The following GSE1 variants were observed in gnomAD, a reference collection of about 807,000 sequenced individuals.
GSE1 encodes genetic suppressor element 1.
A neutral mutation model predicts 112.6 loss-of-function variants in GSE1; 32 were observed. That is an observed-to-expected ratio of 0.28 (90% CI 0.21 to 0.38). The LOEUF (loss-of-function observed/expected upper bound fraction) is 0.38, where lower values mean the gene tolerates loss of function less well. GSE1 is among the 10% of genes least tolerant of loss of function. GSE1 has a pLI of 1.00. For synonymous variants in GSE1, 1,115 were observed against 735.6 expected (o/e 1.52, Z -8.35); for missense variants, 2,348 against 1,699.2 (o/e 1.38, Z -6.71).
chr16:85,626,882 C>T lies in GSE1; in HGVS notation c.8-7032C>T, dbSNP rs117015603. On this transcript the variant is annotated intron_variant, in intron 1 of 15. Transcript: ENST00000253458. ...ATTTAATGGAGTAGAGAGGCCTCCC[C>T]CCTCGTTTAAATCCTGCTGTTGGAG... Among the ~76,000 whole-genome samples the T allele has an allele frequency of 1.4e-4, 21 of 151,906 alleles. No homozygotes were observed. The South Asian group carries it at 3.5e-3, about 26-fold the overall frequency.
intron 1 of GSE1, among the ~76,000 whole-genome samples, chr16:85,345,730 T>G: frequency 6.6e-6 from 1 of 152,248 alleles, no homozygotes; most frequent in Non-Finnish European, 1.5e-5. Context: ...GTTAAAATAC[T>G]GTGTGTCTCC....
At position 85,170,562 on chromosome 16, in the gene GSE1, GA is replaced by G; in HGVS notation, c.1040del (p.Lys347ArgfsTer264). 1 of 985,770 alleles carries G rather than the reference GA, an allele frequency of 1.0e-6. No individual in the cohort carries two copies. Among genetic ancestry groups the G allele is most frequent in the Non-Finnish European group, 1.2e-6 (1 of 830,196 alleles). The allele number at this position is 985,770 out of a possible 1,614,324, so 61.1% of individuals were successfully genotyped here. A position where few individuals can be genotyped will look rare whatever the true frequency, so the allele number is the denominator to read the frequency against. On this transcript the variant is annotated frameshift_variant, in exon 1 of 3. Coordinates refer to the GSE1 transcript ENST00000637419. LOFTEE classifies it high-confidence loss of function. ...TCCCAGGCGTCTGCAACCCCAAAGA[GA>G]AGAACAGTGGCCGTGTCCCCCGGGC...
chr16:85,381,452 C>G (rs2047544048), intron 2 of GSE1, among the ~76,000 whole-genome samples: 1 of 152,106 alleles, frequency 6.6e-6, no homozygotes, highest in Admixed American at 6.5e-5. Context: ...CCTGTTTTCC[C>G]TTCTTCTGGG....
At chr16:85,471,967 C>T (rs76287529) in intron 2 of GSE1, among the ~76,000 whole-genome samples, 3 of 152,202 alleles carry the variant, frequency 2.0e-5, no homozygotes, top group African/African-American at 4.8e-5. Context: ...CTTAAGGCAC[C>T]GTAAGACCGT....
At chr16:85,527,217 C>A (rs1385753492) in intron 2 of GSE1, among the ~76,000 whole-genome samples, 3 of 152,252 alleles carry the variant, frequency 2.0e-5, no homozygotes, top group Admixed American at 2.0e-4. Context: ...CTTGTCTCCC[C>A]ACTGGTCCGT....
intron 1 of GSE1, among the ~76,000 whole-genome samples, chr16:85,277,998 A>T (rs1425182372): frequency 6.6e-6 from 1 of 151,776 alleles, no homozygotes; most frequent in Non-Finnish European, 1.5e-5. Context: ...AGGCTTCACG[A>T]CTCCATTGAG....
At chr16:85,337,277 G>T (rs2046511803) in intron 1 of GSE1, among the ~76,000 whole-genome samples, 1 of 150,512 alleles carries the variant, frequency 6.6e-6, no homozygotes, top group Non-Finnish European at 1.5e-5. Context: ...CCTGCACTTG[G>T]GCTCAGGACT....
chr16:85,666,423 C>CTCAGCCGT, intron 13 of GSE1, 76 bp downstream of exon 13: 1 of 1,463,908 alleles, frequency 6.8e-7, no homozygotes, highest in African/African-American at 1.4e-5. Flanking sequence ...GCCACAGCTG[C>CTCAGCCGT]TCAGCCGTTC....
At chr16:85,194,109 G>A (rs564153482) in intron 1 of GSE1, among the ~76,000 whole-genome samples, 3 of 152,334 alleles carry the variant, frequency 2.0e-5, no homozygotes, top group African/African-American at 4.8e-5. Context: ...ACTCAACGAC[G>A]TAGCAGAGCT....
At chr16:85,171,880 GTTCCT>G in intron 1 of GSE1, 1 of 844,552 alleles carries the variant, frequency 1.2e-6, no homozygotes, top group Non-Finnish European at 1.4e-6. Flanking sequence ...GATGTTTTCT[GTTCCT>G]CAGAAAAACT....
At chr16:85,243,825 C>T (rs1376465359) in intron 1 of GSE1, among the ~76,000 whole-genome samples, 1 of 152,160 alleles carries the variant, frequency 6.6e-6, no homozygotes, top group African/African-American at 2.4e-5. Context: ...TACTGTTTGG[C>T]TTTTAAAAAA....
intron 1 of GSE1, among the ~76,000 whole-genome samples, chr16:85,621,369 C>A (rs980847171): frequency 1.3e-5 from 2 of 152,240 alleles, no homozygotes; most frequent in Non-Finnish European, 2.9e-5. Context: ...TCCACCGCCC[C>A]CCGTGCTGGG....
At chr16:85,608,725 G>A (rs905877906), upstream of GSE1, among the ~76,000 whole-genome samples, 2 of 152,240 alleles carry the variant, frequency 1.3e-5, no homozygotes, top group African/African-American at 2.4e-5. Flanking sequence ...TTGCAGGGCC[G>A]GGAGGGCTTC....
intron 2 of GSE1, among the ~76,000 whole-genome samples, chr16:85,429,115 G>A (rs1048536069): frequency 1.3e-5 from 2 of 152,214 alleles, no homozygotes; most frequent in African/African-American, 4.8e-5. Context: ...GGAGCAGCAG[G>A]TGCCTGCTCA....
chr16:85,290,477 C>G (rs762334904), intron 1 of GSE1, among the ~76,000 whole-genome samples: 3 of 152,156 alleles, frequency 2.0e-5, no homozygotes, highest in South Asian at 4.1e-4. Flanking sequence ...AGGAGCATGC[C>G]TTAAACCCTC....
intron 2 of GSE1, among the ~76,000 whole-genome samples, chr16:85,528,353 T>C (rs1030136854): frequency 5.3e-5 from 8 of 152,308 alleles, no homozygotes; most frequent in Admixed American, 2.6e-4. Flanking sequence ...GTTGGAGTTT[T>C]TTCCTGTCAC....
At chr16:85,483,469 C>A (rs1196085793) in intron 2 of GSE1, among the ~76,000 whole-genome samples, 1 of 152,276 alleles carries the variant, frequency 6.6e-6, no homozygotes, top group African/African-American at 2.4e-5. Flanking sequence ...TTGTGAGAGC[C>A]TGTCTAGTTC....
chr16:85,616,817 G>C (rs1011802859), intron 1 of GSE1, among the ~76,000 whole-genome samples: 1 of 152,156 alleles, frequency 6.6e-6, no homozygotes, highest in Admixed American at 6.5e-5. Context: ...GGGAGGTGAC[G>C]TTTCGGAGTG....
At chr16:85,224,322 AAAAAAAAAAG>A (rs2075445295) in intron 1 of GSE1, among the ~76,000 whole-genome samples, 1 of 149,196 alleles carries the variant, frequency 6.7e-6, no homozygotes, top group South Asian at 2.1e-4. Context: ...AAAAAAAAAA[AAAAAAAAAAG>A]GGAACACACA....
Sources: gnomAD v4.1 joint callset for allele counts (sites outside exome capture counted in the v4.1 genomes callset) on GRCh38, gnomAD v4.1.1 for gene constraint, MANE v1.5 for transcripts, NCBI Gene and HGNC (gene_info 2026-07-23, HGNC 2026-07-21) for gene names.